The following CNKSR2 variants were observed in gnomAD, a reference collection of about 807,000 sequenced individuals.
CNKSR2 encodes CNK homolog protein 2.
A neutral mutation model predicts 84.4 loss-of-function variants in CNKSR2; 14 were observed. The observed-to-expected ratio is 0.17, with a 90% confidence interval of 0.11 to 0.26. The LOEUF is 0.26. Ranked by LOEUF, CNKSR2 falls within the 10% of genes least tolerant of loss-of-function variation. CNKSR2 has a pLI of 1.00. For synonymous variants in CNKSR2, 275 were observed against 277.9 expected (o/e 0.99, Z 0.10); for missense variants, 485 against 771.2 (o/e 0.63, Z 4.40).
intron 21 of CNKSR2, among the ~76,000 whole-genome samples, chrX:21,651,375 T>G (rs1369520618): frequency 1.8e-5 from 2 of 111,170 alleles, no homozygotes; most frequent in African/African-American, 3.3e-5. Context: ...TTCCTGGAAT[T>G]TTAACAGTCC....
chrX:21,496,974 T>C (rs1005252488), intron 6 of CNKSR2, among the ~76,000 whole-genome samples: 1 of 111,304 alleles, frequency 9.0e-6, no homozygotes, highest in Non-Finnish European at 1.9e-5. Context: ...TTACTTAAAT[T>C]ATTTAATATT....
chrX:21,465,274 T>G (rs2091112441), intron 4 of CNKSR2, among the ~76,000 whole-genome samples: 1 of 111,759 alleles, frequency 8.9e-6, no homozygotes, highest in Non-Finnish European at 1.9e-5. Context: ...CAAGGGTAAT[T>G]TATCCCTCAT....
chrX:21,398,173 A>G (rs2090143742), intron 1 of CNKSR2, among the ~76,000 whole-genome samples: 1 of 111,709 alleles, frequency 9.0e-6, no homozygotes, highest in Admixed American at 9.5e-5. Flanking sequence ...TGCTTTGATA[A>G]GGTGTGTACA....
intron 9 of CNKSR2, among the ~76,000 whole-genome samples, chrX:21,520,485 A>T (rs934114900): frequency 3.6e-5 from 4 of 109,896 alleles, no homozygotes; most frequent in South Asian, 3.8e-4. Context: ...CAATGAAAAA[A>T]AAACAAAGAA....
At chrX:21,406,421 C>G (rs1283361466) in intron 1 of CNKSR2, among the ~76,000 whole-genome samples, 1 of 111,298 alleles carries the variant, frequency 9.0e-6, no homozygotes, top group Non-Finnish European at 1.9e-5. Context: ...GCTTTCAGAT[C>G]TTGTAATAAA....
At chrX:21,623,646 A>G (rs2092611181) in intron 20 of CNKSR2, among the ~76,000 whole-genome samples, 1 of 111,598 alleles carries the variant, frequency 9.0e-6, no homozygotes, top group African/African-American at 3.3e-5. Flanking sequence ...TAGCCCTTCA[A>G]AATTTATTTG....
At position 21,606,790 on chromosome X, in the gene CNKSR2, G is replaced by A; in HGVS notation, c.2056G>A (p.Glu686Lys). The change falls in exon 19 of 22, where the codon GAG (glutamate) becomes AAG (lysine). Residue 686 changes from glutamate (E) to lysine (K), a missense_variant. Physicochemically the swap from Glu to Lys is moderately conservative, Grantham distance 56. Coordinates refer to ENST00000379510, the MANE Select transcript of CNKSR2 (RefSeq NM_014927.5). The stretch of plus-strand genomic sequence containing the variant: ...CTGTGAATTTTCAGATTACTGGAGT[G>A]AGAGTGACAAGGAAGAAGCAGATAC... The part of the protein sequence containing the change: ...RIKQEQDYWS[E>K]SDKEEADTPS... The A allele has an allele frequency of 1.7e-6, 2 of 1,183,177 alleles. No homozygotes were observed. Among genetic ancestry groups the A allele is most frequent in the Non-Finnish European group, 2.3e-6 (2 of 871,424 alleles).
At chrX:21,617,900 C>T (rs184306509) in intron 20 of CNKSR2, among the ~76,000 whole-genome samples, 73 of 79,851 alleles carry the variant, frequency 9.1e-4, no homozygotes, top group African/African-American at 3.3e-3. Flanking sequence ...CACTGCCCCC[C>T]CCACAAACAC....
At chrX:21,511,093 A>G (rs779562083) in intron 8 of CNKSR2, among the ~76,000 whole-genome samples, 2 of 111,845 alleles carry the variant, frequency 1.8e-5, no homozygotes, top group Non-Finnish European at 3.8e-5. Flanking sequence ...CAGTGTTTAT[A>G]TGATGCATAT....
At chrX:21,499,077 G>A (rs2091532128) in intron 7 of CNKSR2, among the ~76,000 whole-genome samples, 1 of 111,556 alleles carries the variant, frequency 9.0e-6, no homozygotes, top group Admixed American at 9.6e-5. Flanking sequence ...TTCACATTTG[G>A]TATTAAATAT....
Position 21,609,166 on chromosome X carries a change from G to A in CNKSR2, c.2241G>A (p.Gln747=). Reference sequence around the variant, plus strand: ...AGTCTTCTCATGAGGAGTTTCGCCAGGAAGTAACTGGGAGCAGTGCAGTGT... The same window carrying A: ...AGTCTTCTCATGAGGAGTTTCGCCAAGAAGTAACTGGGAGCAGTGCAGTGT... ...QSQSSHEEFR[Q]EVTGSSAVSP... The change falls in exon 20 of 22, where the codon CAG becomes CAA. Residue 747 remains glutamine, a synonymous_variant. Coordinates refer to ENST00000379510, the MANE Select transcript of CNKSR2 (RefSeq NM_014927.5). 1.3e-5 allele frequency: 16 copies of A among 1,211,532 alleles called. No homozygotes were observed. Among genetic ancestry groups the A allele is most frequent in the Non-Finnish European group, 1.7e-5 (15 of 895,329 alleles).
intron 4 of CNKSR2, among the ~76,000 whole-genome samples, chrX:21,443,211 AAAT>A (rs2090808859): frequency 8.9e-6 from 1 of 111,761 alleles, no homozygotes; most frequent in South Asian, 3.7e-4. Context: ...ACAAAGATGA[AAAT>A]AATATTATTT....
chrX:21,477,278 A>G (rs1263222022), intron 5 of CNKSR2, among the ~76,000 whole-genome samples: 1 of 111,774 alleles, frequency 8.9e-6, no homozygotes, highest in East Asian at 2.8e-4. Context: ...ATTTTACCCC[A>G]TTGCTTTTGT....
chrX:21,558,552 TAAAA>T (rs770074536), intron 11 of CNKSR2, among the ~76,000 whole-genome samples: 3 of 102,193 alleles, frequency 2.9e-5, no homozygotes, highest in East Asian at 6.0e-4. Context: ...ATAATTCTGT[TAAAA>T]AAAAAAAGTC....
intron 13 of CNKSR2, among the ~76,000 whole-genome samples, chrX:21,584,581 A>G (rs1346913419): frequency 8.9e-6 from 1 of 112,404 alleles, no homozygotes; most frequent in African/African-American, 3.2e-5. Context: ...AATTTTGGAC[A>G]GGGAAGCTTG....
chrX:21,413,119 C>T lies in CNKSR2; in HGVS notation c.65-13378C>T, dbSNP rs777630635. On this transcript the variant is annotated intron_variant, in intron 1 of 21. Transcript: ENST00000379510. ...TTCTACTTTCTGTCTCTGAATTTGA[C>T]GACTGCATGACGACTGCATGCCTCA... is the stretch of plus-strand genomic sequence containing the variant. 6.7e-4 allele frequency among the ~76,000 whole-genome samples: 74 copies of T among 111,139 alleles called. 1 individual carries two copies. Among genetic ancestry groups the T allele is most frequent in the Admixed American group, 2.9e-4 (3 of 10,425 alleles).
At chrX:21,522,282 T>C (rs899942246) in intron 9 of CNKSR2, among the ~76,000 whole-genome samples, 1 of 111,115 alleles carries the variant, frequency 9.0e-6, no homozygotes, top group African/African-American at 3.2e-5. Flanking sequence ...TGGCCAGGTT[T>C]TATACTTGAT....
At chrX:21,621,041 T>C (rs2092599446) in intron 20 of CNKSR2, among the ~76,000 whole-genome samples, 1 of 111,353 alleles carries the variant, frequency 9.0e-6, no homozygotes, top group African/African-American at 3.3e-5. Context: ...GCACATTGTA[T>C]ATATCTCCAA....
chrX:21,425,152 T>G (rs907673092), intron 1 of CNKSR2: 1 of 112,033 alleles, frequency 8.9e-6, no homozygotes, highest in Non-Finnish European at 1.9e-5. Context: ...CTTATTTTTC[T>G]CTTCTCTTAC....
Sources: gnomAD v4.1 joint callset for allele counts (sites outside exome capture counted in the v4.1 genomes callset) on GRCh38, gnomAD v4.1.1 for gene constraint, MANE v1.5 for transcripts, NCBI Gene and HGNC (gene_info 2026-07-23, HGNC 2026-07-21) for gene names.